The following PCDHA4 variants were observed in gnomAD, a reference collection of about 807,000 sequenced individuals.
The protein encoded by PCDHA4 is protocadherin alpha-4.
In PCDHA4, 49 loss-of-function variants were observed where a neutral mutation model predicts 61.4. The ratio of observed to expected loss-of-function variants is 0.80; its 90% CI spans 0.63 to 1.01. PCDHA4 has a LOEUF of 1.01. PCDHA4 is among the 50% of genes least tolerant of loss of function. The pLI is 0.00. For missense variants in PCDHA4, 1,254 were observed against 1,235.8 expected (o/e 1.01, Z -0.22); for synonymous variants, 590 against 550.3 (o/e 1.07, Z -1.01).
intron 1 of PCDHA4, chr5:140,841,721 C>T (rs2150321568): frequency 1.2e-6 from 2 of 1,613,868 alleles, no homozygotes; most frequent in Non-Finnish European, 8.5e-7. Context: ...GCCAGTGTTC[C>T]GGGTAAAAGA....
intron 1 of PCDHA4, 78 bp from the exon 2 acceptor site, chr5:140,978,871 T>A (rs1328301924): frequency 6.2e-7 from 1 of 1,606,392 alleles, no homozygotes; most frequent in Non-Finnish European, 8.5e-7. Context: ...TTTAAGGGAG[T>A]AACTAATCAA....
chr5:140,941,639 TC>T (rs2093135030), intron 1 of PCDHA4, among the ~76,000 whole-genome samples: 1 of 152,044 alleles, frequency 6.6e-6, no homozygotes, highest in Non-Finnish European at 1.5e-5. Context: ...ATTTCTGTCT[TC>T]CTACAACTTA....
chr5:140,963,829 A>G (rs1460358277), intron 1 of PCDHA4, among the ~76,000 whole-genome samples: 1 of 152,180 alleles, frequency 6.6e-6, no homozygotes, highest in African/African-American at 2.4e-5. Context: ...CTTTACATAC[A>G]TTTTCTCATG....
chr5:140,961,510 T>C (rs1201672141), intron 1 of PCDHA4, among the ~76,000 whole-genome samples: 1 of 152,246 alleles, frequency 6.6e-6, no homozygotes, highest in Non-Finnish European at 1.5e-5. Context: ...CTTTGTTTAA[T>C]GTCTCCACAA....
chr5:140,836,439 A>G, intron 1 of PCDHA4: 1 of 1,613,820 alleles, frequency 6.2e-7, no homozygotes, highest in Non-Finnish European at 8.5e-7. Context: ...ATCGTTGGGC[A>G]TTGCAGGCCC....
At chr5:140,977,599 AC>A (rs782213571) in intron 1 of PCDHA4, among the ~76,000 whole-genome samples, 1 of 152,150 alleles carries the variant, frequency 6.6e-6, no homozygotes, top group Non-Finnish European at 1.5e-5. Context: ...GCATGTGAGG[AC>A]CATTGAGGTA....
At chr5:140,940,940 G>T (rs187772223) in intron 1 of PCDHA4, among the ~76,000 whole-genome samples, 1 of 152,254 alleles carries the variant, frequency 6.6e-6, no homozygotes, top group Non-Finnish European at 1.5e-5. Context: ...CTTAGACTAC[G>T]TATTCTCAGA....
intron 1 of PCDHA4, chr5:140,841,964 A>G (rs2150326449): frequency 6.2e-7 from 1 of 1,613,930 alleles, no homozygotes; most frequent in East Asian, 2.2e-5. Context: ...CCTGACAGCC[A>G]CAGATGGGGG....
At chr5:140,866,847 A>T (rs1485743697) in intron 1 of PCDHA4, 1 of 152,136 alleles carries the variant, frequency 6.6e-6, no homozygotes, top group African/African-American at 2.4e-5. Context: ...ATCAGTTAAC[A>T]ATAACTGTAT....
At chr5:140,862,874 T>C in intron 1 of PCDHA4, 2 of 568,426 alleles carry the variant, frequency 3.5e-6, no homozygotes, top group Non-Finnish European at 3.4e-6. Flanking sequence ...CTGCCAGGTA[T>C]TAGTGCTGGA....
chr5:140,842,820 G>A (rs1554139418), intron 1 of PCDHA4: 2 of 1,593,888 alleles, frequency 1.3e-6, no homozygotes, highest in African/African-American at 2.7e-5. Context: ...CGGCGGGTGG[G>A]CGAGCGCTCG....
intron 1 of PCDHA4, among the ~76,000 whole-genome samples, chr5:140,890,607 T>A (rs2062708566): frequency 6.6e-6 from 1 of 152,184 alleles, no homozygotes; most frequent in Non-Finnish European, 1.5e-5. Context: ...GAATAGCTAG[T>A]GCTTACCCTA....
intron 3 of PCDHA4, among the ~76,000 whole-genome samples, chr5:140,984,877 C>A (rs1178230954): frequency 1.3e-5 from 2 of 151,944 alleles, no homozygotes; most frequent in Non-Finnish European, 2.9e-5. Flanking sequence ...TATTGAGTTA[C>A]CATGAGAACT....
At chr5:140,935,908 T>TG (rs2090628873) in intron 1 of PCDHA4, among the ~76,000 whole-genome samples, 1 of 151,636 alleles carries the variant, frequency 6.6e-6, no homozygotes, top group Non-Finnish European at 1.5e-5. Context: ...TTTTTTTTTT[T>TG]TTGAGACAGA....
chr5:140,968,405 G>C (rs2096244938), intron 1 of PCDHA4: 7 of 1,614,002 alleles, frequency 4.3e-6, no homozygotes, highest in Non-Finnish European at 5.9e-6. Flanking sequence ...GGAGTTCTTT[G>C]TGACTGTGGA....
In PCDHA4 at chr5:140,912,862, T is replaced by C. The variant is rs181526076; in HGVS notation, c.2386-66087T>C. On this transcript the variant is annotated intron_variant, in intron 1 of 3. Coordinates refer to ENST00000530339, the MANE Select transcript of PCDHA4 (RefSeq NM_018907.4). Reference sequence around the variant, plus strand: ...GCTTTTTCAGCATCAATTGAAATGATATATGGTTTTTGGTCTTCATTCTGT... The same window carrying C: ...GCTTTTTCAGCATCAATTGAAATGACATATGGTTTTTGGTCTTCATTCTGT... Among the ~76,000 whole-genome samples, 6 of 152,338 alleles carry C rather than the reference T, an allele frequency of 3.9e-5. No individual in the cohort carries two copies. In the East Asian group the frequency reaches 1.2e-3, roughly 29 times the overall value.
chr5:140,976,023 A>C (rs907977893), intron 1 of PCDHA4, among the ~76,000 whole-genome samples: 1 of 152,206 alleles, frequency 6.6e-6, no homozygotes, highest in Non-Finnish European at 1.5e-5. Flanking sequence ...AAATAATCAC[A>C]GTTATTTCAA....
chr5:140,926,592 C>A, intron 1 of PCDHA4: 1 of 298,858 alleles, frequency 3.3e-6, no homozygotes, highest in Non-Finnish European at 6.1e-6. Context: ...CGCGCCCGGG[C>A]GGGCGGCCTC....
intron 1 of PCDHA4, among the ~76,000 whole-genome samples, chr5:140,901,673 A>G (rs964267221): frequency 6.6e-6 from 1 of 152,056 alleles, no homozygotes; most frequent in Admixed American, 6.6e-5. Context: ...AGATACCTTT[A>G]GGTATTATGG....
Sources: allele counts gnomAD v4.1 joint callset (sites outside exome capture counted in the v4.1 genomes callset), GRCh38; gene constraint gnomAD v4.1.1; transcripts MANE v1.5; gene names NCBI Gene and HGNC (gene_info 2026-07-23, HGNC 2026-07-21).